HS2ST1: variants seen among roughly 807,000 people sequenced by gnomAD.
HS2ST1 encodes heparan sulfate 2-O-sulfotransferase 1.
HS2ST1 carries 18 observed loss-of-function variants against 42.9 expected under a neutral mutation model. The ratio of observed to expected loss-of-function variants is 0.42; its 90% CI spans 0.29 to 0.62. The LOEUF is 0.62. Ranked by LOEUF, HS2ST1 falls within the 20% of genes least tolerant of loss-of-function variation. The probability of loss-of-function intolerance (pLI) is 0.21; values close to 1 mark genes in which losing one functional copy is unlikely to be tolerated. For missense variants in HS2ST1, 334 were observed against 433.8 expected, an observed-to-expected ratio of 0.77 and a Z score of 2.04; for synonymous variants, 146 against 152.9, an observed-to-expected ratio of 0.95 and a Z score of 0.33.
At chr1:87,037,032 C>T (rs546148257) in intron 1 of HS2ST1, among the ~76,000 whole-genome samples, 1 of 152,102 alleles carries the variant, frequency 6.6e-6, no homozygotes, top group South Asian at 2.1e-4. Flanking sequence ...GTTCTTTTTC[C>T]TGTTCTAACG....
rs1234310660 is a variant in HS2ST1, at chr1:87,109,633, C to T, written c.*4937C>T. ...TCAATTCTTAGCCACTGGCTCATTGCTTTGAGCAATGCTTGATTGATTCTA... is the reference window on the plus strand; with the variant it reads ...TCAATTCTTAGCCACTGGCTCATTGTTTTGAGCAATGCTTGATTGATTCTA... On this transcript the variant is annotated 3_prime_UTR_variant, in exon 7 of 7. Transcript: ENST00000370550. The T allele has an allele frequency of 1.3e-5, 2 of 151,810 alleles. No individual in the cohort carries two copies. Among genetic ancestry groups the T allele is most frequent in the African/African-American group, 4.8e-5 (2 of 41,354 alleles). The allele number at this position is 151,810 out of a possible 1,614,324, so 9.4% of individuals were successfully genotyped here.
intron 2 of HS2ST1, among the ~76,000 whole-genome samples, chr1:87,077,775 TA>T (rs1651582124): frequency 1.3e-5 from 2 of 152,270 alleles, no homozygotes; most frequent in African/African-American, 4.8e-5. Context: ...TGGACCAACA[TA>T]GATTTTGATA....
At chr1:87,100,082 G>A (rs968719312) in intron 5 of HS2ST1, among the ~76,000 whole-genome samples, 5 of 152,204 alleles carry the variant, frequency 3.3e-5, no homozygotes, top group Admixed American at 6.5e-5. Flanking sequence ...CGTGCAAGCC[G>A]ATGGTGAGCC....
At chr1:87,089,488 A>C (rs192547762) in intron 3 of HS2ST1, among the ~76,000 whole-genome samples, 58 of 152,146 alleles carry the variant, frequency 3.8e-4, no homozygotes, top group Middle Eastern at 3.4e-3. Context: ...GATTGACCAG[A>C]GTTAAAGGTG....
intron 3 of HS2ST1, among the ~76,000 whole-genome samples, 182 bp downstream of exon 3, chr1:87,084,461 A>G (rs1304065921): frequency 6.6e-6 from 1 of 152,176 alleles, no homozygotes. Context: ...GTGTTCATAA[A>G]TTGGCAATTC....
intron 1 of HS2ST1, among the ~76,000 whole-genome samples, chr1:87,000,210 G>A (rs1210619891): frequency 1.3e-5 from 2 of 151,944 alleles, no homozygotes; most frequent in African/African-American, 4.8e-5. Context: ...ACTTAAAATT[G>A]ATGCTTGAGA....
intron 1 of HS2ST1, among the ~76,000 whole-genome samples, chr1:86,995,623 G>C (rs1649074932): frequency 6.6e-6 from 1 of 152,052 alleles, no homozygotes; most frequent in African/African-American, 2.4e-5. Context: ...TAGGTGAGGA[G>C]ATCTCTGGTT....
rs185923111 is a variant in HS2ST1, at chr1:87,065,374, G to A, written c.125-7560G>A. The stretch of plus-strand genomic sequence containing the variant: ...AGGATCTGACTAGACAAATTGATAT[G>A]CCAAGGCTCCTCCACCCATAGACAA... On this transcript the variant is annotated intron_variant, in intron 1 of 6. Coordinates refer to ENST00000370550, the MANE Select transcript of HS2ST1 (RefSeq NM_012262.4). Among the ~76,000 whole-genome samples the A allele has an allele frequency of 2.1e-3, 318 of 152,288 alleles. 1 individual carries two copies. The highest frequency in any genetic ancestry group is 7.3e-3 in the African/African-American group (304 of 41,546).
At chr1:87,018,132 CCACACA>C (rs56401098) in intron 1 of HS2ST1, among the ~76,000 whole-genome samples, 2,318 of 149,312 alleles carry the variant, frequency 0.016, 26 homozygotes, top group Middle Eastern at 0.048. Flanking sequence ...TAAATAAAAG[CCACACA>C]CACACACACA....
intron 1 of HS2ST1, among the ~76,000 whole-genome samples, chr1:86,964,226 C>T (rs1419081328): frequency 6.6e-6 from 1 of 152,102 alleles, no homozygotes; most frequent in Non-Finnish European, 1.5e-5. Context: ...CCTCACTTCC[C>T]AGACGGGGTG....
At chr1:87,017,911 A>G (rs756224111) in intron 1 of HS2ST1, among the ~76,000 whole-genome samples, 5 of 151,532 alleles carry the variant, frequency 3.3e-5, no homozygotes, top group African/African-American at 9.7e-5. Context: ...ATCCCCCACA[A>G]AAGTGTCTTG....
intron 1 of HS2ST1, among the ~76,000 whole-genome samples, chr1:86,995,874 TGATTTTA>T (rs900380109): frequency 6.6e-6 from 1 of 151,700 alleles, no homozygotes; most frequent in African/African-American, 2.4e-5. Flanking sequence ...ATTGGTGGAG[TGATTTTA>T]GATTCAGTGC....
At chr1:86,986,548 A>G (rs113344749) in intron 1 of HS2ST1, among the ~76,000 whole-genome samples, 1,654 of 152,298 alleles carry the variant, frequency 0.011, 30 homozygotes, top group African/African-American at 0.038. Context: ...TTAATTAGGT[A>G]TCTTTAAAAT....
At chr1:86,976,360 T>G (rs1648399060) in intron 1 of HS2ST1, among the ~76,000 whole-genome samples, 1 of 152,172 alleles carries the variant, frequency 6.6e-6, no homozygotes, top group Non-Finnish European at 1.5e-5. Flanking sequence ...GTCTGGCTGC[T>G]TATTCCCAGG....
chr1:87,021,709 T>C (rs1011329541), intron 1 of HS2ST1, among the ~76,000 whole-genome samples: 2 of 152,148 alleles, frequency 1.3e-5, no homozygotes, highest in Non-Finnish European at 2.9e-5. Flanking sequence ...GGAGACACAG[T>C]CTCACTTTGT....
At chr1:86,946,668 G>GC (rs1647349503) in intron 1 of HS2ST1, among the ~76,000 whole-genome samples, 1 of 152,042 alleles carries the variant, frequency 6.6e-6, no homozygotes, top group Admixed American at 6.6e-5. Flanking sequence ...GTAAGCATAG[G>GC]CCCCCCTGGC....
intron 1 of HS2ST1, among the ~76,000 whole-genome samples, chr1:86,978,755 G>A (rs1272799643): frequency 6.6e-6 from 1 of 151,540 alleles, no homozygotes; most frequent in Non-Finnish European, 1.5e-5. Flanking sequence ...TATTGATAGT[G>A]GTAAAATAGA....
chr1:87,054,384 A>G (rs1465757914), intron 1 of HS2ST1, among the ~76,000 whole-genome samples: 3 of 152,132 alleles, frequency 2.0e-5, no homozygotes, highest in Non-Finnish European at 4.4e-5. Context: ...TAGAACAACT[A>G]TCTCTAATCA....
At chr1:86,916,996 G>A (rs1660172214) in intron 1 of HS2ST1, among the ~76,000 whole-genome samples, 1 of 152,120 alleles carries the variant, frequency 6.6e-6, no homozygotes, top group African/African-American at 2.4e-5. Flanking sequence ...ATCTGAAGAT[G>A]TATAATGCCA....
Sources: gnomAD v4.1 joint callset for allele counts (sites outside exome capture counted in the v4.1 genomes callset) on GRCh38, gnomAD v4.1.1 for gene constraint, MANE v1.5 for transcripts, NCBI Gene and HGNC (gene_info 2026-07-23, HGNC 2026-07-21) for gene names.